Variants in NCOR1 observed in about 807,000 individuals in gnomAD.
NCOR1 encodes the protein nuclear receptor corepressor 1, also known as protein phosphatase 1, regulatory subunit 109.
A neutral mutation model predicts 288.1 loss-of-function variants in NCOR1; 63 were observed. The observed-to-expected ratio is 0.22, with a 90% CI of 0.18 to 0.27. NCOR1 has a LOEUF of 0.27. Ranked by LOEUF, NCOR1 falls within the 10% of genes least tolerant of loss-of-function variation. NCOR1 has a pLI of 1.00. For missense variants in NCOR1, 2,397 were observed against 3,019.2 expected, an observed-to-expected ratio of 0.79 and a Z score of 4.83; for synonymous variants, 1,007 against 1,065.9, an observed-to-expected ratio of 0.94 and a Z score of 1.08.
chr17:16,161,511 G>C (rs1913835618), intron 5 of NCOR1, among the ~76,000 whole-genome samples: 2 of 152,164 alleles, frequency 1.3e-5, no homozygotes, highest in Non-Finnish European at 1.5e-5. Flanking sequence ...GGCCAGGCTG[G>C]TCTGGAACTC....
intron 6 of NCOR1, among the ~76,000 whole-genome samples, chr17:16,158,104 G>A (rs1386989856): frequency 6.6e-6 from 1 of 152,008 alleles, no homozygotes; most frequent in Non-Finnish European, 1.5e-5. Flanking sequence ...CTCTCGAGTA[G>A]CTGGGACTAC....
chr17:16,144,005 T>C (rs1337718704), intron 10 of NCOR1, among the ~76,000 whole-genome samples: 1 of 152,184 alleles, frequency 6.6e-6, no homozygotes, highest in Non-Finnish European at 1.5e-5. Flanking sequence ...TTGTATGCCC[T>C]GTAGTAGACT....
chr17:16,083,758 T>G (rs1008437063), intron 23 of NCOR1, among the ~76,000 whole-genome samples: 1 of 152,186 alleles, frequency 6.6e-6, no homozygotes, highest in Non-Finnish European at 1.5e-5. Context: ...TGCACCCACC[T>G]CTTCCCCACA....
chr17:16,170,600 C>T (rs375182763), intron 4 of NCOR1, among the ~76,000 whole-genome samples: 2 of 151,766 alleles, frequency 1.3e-5, no homozygotes, highest in Non-Finnish European at 2.9e-5. Context: ...TTTGGGAGGC[C>T]GAGGTGGGCA....
chr17:16,092,638 C>T (rs1190311152), intron 21 of NCOR1, among the ~76,000 whole-genome samples: 1 of 111,608 alleles, frequency 9.0e-6, no homozygotes, highest in Non-Finnish European at 1.8e-5. Context: ...CACCAGGGAT[C>T]AGATCCATTT....
intron 1 of NCOR1, among the ~76,000 whole-genome samples, chr17:16,203,917 C>T (rs1487144732): frequency 1.3e-5 from 2 of 152,054 alleles, no homozygotes; most frequent in Non-Finnish European, 2.9e-5. Flanking sequence ...CAATATTCAG[C>T]ATTCAATAAA....
At chr17:16,143,574 C>T (rs557663596) in intron 11 of NCOR1, 32 bp downstream of exon 11, 30 of 1,535,348 alleles carry the variant, frequency 2.0e-5, no homozygotes, top group South Asian at 1.8e-4. Context: ...TAATAATTAA[C>T]GAATTAACTT....
At position 16,080,081 on chromosome 17, in the gene NCOR1, C is replaced by A; in HGVS notation, c.3401-17G>T. On this transcript the variant is annotated splice_polypyrimidine_tract_variant and intron_variant, in intron 25 of 45. Coordinates refer to ENST00000268712, the MANE Select transcript of NCOR1 (RefSeq NM_006311.4). ...CTGCGGTACCTGAATACAAACAAAGCTATTAGCAAATTACACCCCCAGCCC... is the reference window on the plus strand; with the variant it reads ...CTGCGGTACCTGAATACAAACAAAGATATTAGCAAATTACACCCCCAGCCC... 6.2e-7 allele frequency: 1 copy of A among 1,606,948 alleles called. No individual in the cohort carries two copies. Among genetic ancestry groups the A allele is most frequent in the Non-Finnish European group, 8.5e-7 (1 of 1,173,616 alleles).
chr17:16,145,159 C>T (rs1046666340), intron 10 of NCOR1, among the ~76,000 whole-genome samples: 2 of 152,256 alleles, frequency 1.3e-5, no homozygotes, highest in African/African-American at 4.8e-5. Flanking sequence ...CCTTGGCCTC[C>T]CAAAGTGCCA....
At chr17:16,078,394 CA>C (rs2152801378) in intron 26 of NCOR1, among the ~76,000 whole-genome samples, 1 of 152,284 alleles carries the variant, frequency 6.6e-6, no homozygotes, top group South Asian at 2.1e-4. Flanking sequence ...GTCAAGTGCA[CA>C]AACAGATTTT....
intron 1 of NCOR1, among the ~76,000 whole-genome samples, chr17:16,212,613 C>G (rs951475447): frequency 6.6e-6 from 1 of 152,142 alleles, no homozygotes; most frequent in African/African-American, 2.4e-5. Flanking sequence ...TAAGATAGAT[C>G]ACAGAATACA....
At chr17:16,191,676 C>G (rs2088363348) in intron 2 of NCOR1, among the ~76,000 whole-genome samples, 1 of 151,854 alleles carries the variant, frequency 6.6e-6, no homozygotes, top group Non-Finnish European at 1.5e-5. Flanking sequence ...TAATTGGAGT[C>G]CCAGACAGAA....
At chr17:16,208,673 A>T (rs1300322620) in intron 1 of NCOR1, among the ~76,000 whole-genome samples, 1 of 151,878 alleles carries the variant, frequency 6.6e-6, no homozygotes, top group Non-Finnish European at 1.5e-5. Context: ...CAACATAATG[A>T]GACCCTGTTT....
chr17:16,040,234 GTTCAT>G, intron 43 of NCOR1: 1 of 665,642 alleles, frequency 1.5e-6, no homozygotes, highest in African/African-American at 1.8e-5. Flanking sequence ...CATTCTTTTT[GTTCAT>G]TTATCTTTTC....
At chr17:16,145,534 G>T (rs1338101494) in intron 10 of NCOR1, among the ~76,000 whole-genome samples, 2 of 142,782 alleles carry the variant, frequency 1.4e-5, no homozygotes, top group African/African-American at 4.9e-5. Context: ...ACTGAGGAGC[G>T]TCTCTGCCCC....
At chr17:16,080,785 G>T in intron 23 of NCOR1, 58 bp from the exon 24 acceptor site, 1 of 1,496,072 alleles carries the variant, frequency 6.7e-7, no homozygotes, top group South Asian at 1.3e-5. Flanking sequence ...TTTTCACAAG[G>T]TCAATTTCAC....
chr17:16,095,280 G>A (rs1279943630), intron 21 of NCOR1, among the ~76,000 whole-genome samples: 8 of 148,746 alleles, frequency 5.4e-5, no homozygotes, highest in Non-Finnish European at 8.9e-5. Context: ...GGTGAGGAGC[G>A]TCTCTGCCCG....
rs553372281 is a variant in NCOR1, at chr17:16,115,159, T to G, written c.2055+2729A>C. On this transcript the variant is annotated intron_variant, in intron 18 of 45. Transcript: ENST00000268712. ...CACCCTCTGAAGCCACGGCCCAAGC[T>G]GTACCTTGGCCCCTTTCAGCCATGG... Among the ~76,000 whole-genome samples, 3 of 152,342 alleles carry G rather than the reference T, an allele frequency of 2.0e-5. No individual in the cohort carries two copies. The East Asian group carries it at 5.8e-4, about 29-fold the overall frequency.
intron 16 of NCOR1, among the ~76,000 whole-genome samples, chr17:16,120,401 A>C (rs138945231): frequency 6.6e-6 from 1 of 152,100 alleles, no homozygotes; most frequent in African/African-American, 2.4e-5. Context: ...GCCCCAACCT[A>C]TCTTTCCTCC....
Sources: gnomAD v4.1 joint callset for allele counts (sites outside exome capture counted in the v4.1 genomes callset) on GRCh38, gnomAD v4.1.1 for gene constraint, MANE v1.5 for transcripts, NCBI Gene and HGNC (gene_info 2026-07-23, HGNC 2026-07-21) for gene names.